Variants in MSRA observed in about 807,000 individuals in gnomAD.
MSRA encodes mitochondrial peptide methionine sulfoxide reductase.
In MSRA, 54 loss-of-function variants were observed where a neutral mutation model predicts 31.3. That is an observed-to-expected ratio of 1.73 (90% CI 1.39 to 2.17). The LOEUF (loss-of-function observed/expected upper bound fraction) is 2.17, where lower values mean the gene tolerates loss of function less well. Ranked by LOEUF, MSRA falls within the 30% of genes most tolerant of loss-of-function variation. The pLI, the probability that MSRA is intolerant of heterozygous loss-of-function variation, is 0.00. For missense variants in MSRA, 507 were observed against 300.9 expected (o/e 1.69, Z -5.07); for synonymous variants, 169 against 116.5 (o/e 1.45, Z -2.90).
At chr8:10,406,557 A>T (rs1436512312) in intron 5 of MSRA, among the ~76,000 whole-genome samples, 1 of 152,128 alleles carries the variant, frequency 6.6e-6, no homozygotes, top group East Asian at 1.9e-4. Context: ...GTTGGTGCAG[A>T]CAGGAATGGG....
At chr8:10,303,664 C>T (rs1227684580) in intron 4 of MSRA, among the ~76,000 whole-genome samples, 1 of 152,184 alleles carries the variant, frequency 6.6e-6, no homozygotes, top group Non-Finnish European at 1.5e-5. Flanking sequence ...CCTTCTGCCT[C>T]TCTTATGGAC....
chr8:10,266,154 T>A (rs1281994128), intron 3 of MSRA, among the ~76,000 whole-genome samples: 1 of 152,238 alleles, frequency 6.6e-6, no homozygotes, highest in Non-Finnish European at 1.5e-5. Flanking sequence ...TGTTTAACTT[T>A]TTAAGAAATT....
intron 5 of MSRA, chr8:10,353,602 G>T (rs1585562304): frequency 2.2e-6 from 1 of 456,168 alleles, no homozygotes; most frequent in Admixed American, 2.3e-5. Flanking sequence ...TTCTAGCTAT[G>T]CCTTTTCCTT....
intron 5 of MSRA, among the ~76,000 whole-genome samples, chr8:10,386,826 T>C (rs1225495372): frequency 7.0e-6 from 1 of 143,510 alleles, no homozygotes; most frequent in Non-Finnish European, 1.5e-5. Context: ...CCGGGAAAAA[T>C]GGGATTCGAA....
At chr8:10,231,630 C>G (rs1268376073) in intron 2 of MSRA, among the ~76,000 whole-genome samples, 1 of 152,192 alleles carries the variant, frequency 6.6e-6, no homozygotes, top group Non-Finnish European at 1.5e-5. Context: ...GGGTCGGGTG[C>G]AGTGGCTCAC....
intron 3 of MSRA, among the ~76,000 whole-genome samples, chr8:10,291,711 G>A (rs923152169): frequency 5.3e-5 from 8 of 151,976 alleles, no homozygotes; most frequent in Non-Finnish European, 1.0e-4. Flanking sequence ...CATTCTGTGT[G>A]CTCTTTGATT....
intron 3 of MSRA, among the ~76,000 whole-genome samples, chr8:10,277,879 ATTTT>A (rs1208436358): frequency 6.6e-6 from 1 of 152,098 alleles, no homozygotes; most frequent in African/African-American, 2.4e-5. Context: ...AATATATACA[ATTTT>A]TATTTATCAA....
At chr8:10,159,171 A>G (rs551895427) in intron 1 of MSRA, among the ~76,000 whole-genome samples, 8 of 152,192 alleles carry the variant, frequency 5.3e-5, no homozygotes, top group Non-Finnish European at 1.0e-4. Context: ...ATCTAGAAAT[A>G]CTGTCCGTAA....
chr8:10,224,297 A>G (rs918594160), intron 2 of MSRA, among the ~76,000 whole-genome samples: 2 of 152,310 alleles, frequency 1.3e-5, no homozygotes, highest in East Asian at 3.9e-4. Context: ...TCATCTTTGC[A>G]TGTTAGAATG....
intron 5 of MSRA, among the ~76,000 whole-genome samples, chr8:10,348,771 G>C (rs1164686813): frequency 6.6e-6 from 1 of 152,164 alleles, no homozygotes; most frequent in African/African-American, 2.4e-5. Context: ...ACTGGAAAGA[G>C]GGATAGGTTG....
intron 5 of MSRA, chr8:10,411,226 A>T (rs1986971): frequency 6.6e-6 from 1 of 152,114 alleles, no homozygotes; most frequent in East Asian, 1.9e-4. Context: ...CAGGCATGCT[A>T]TCACCTGCAG....
chr8:10,123,218 T>G (rs1801255682), intron 1 of MSRA, among the ~76,000 whole-genome samples: 1 of 152,240 alleles, frequency 6.6e-6, no homozygotes, highest in African/African-American at 2.4e-5. Context: ...TAATAGCCAT[T>G]CTGACTGGTG....
chr8:10,414,738 T>C (rs1360690597), intron 5 of MSRA, among the ~76,000 whole-genome samples: 2 of 152,226 alleles, frequency 1.3e-5, no homozygotes, highest in Non-Finnish European at 2.9e-5. Flanking sequence ...CTGCATTTCA[T>C]CCCCAAGGTG....
At chr8:10,280,313 C>G (rs1230204406) in intron 3 of MSRA, among the ~76,000 whole-genome samples, 1 of 151,964 alleles carries the variant, frequency 6.6e-6, no homozygotes, top group Non-Finnish European at 1.5e-5. Context: ...AGTTGTCATT[C>G]TCTTTTTAAC....
chr8:10,147,926 A>G (rs1011101836), intron 1 of MSRA, among the ~76,000 whole-genome samples: 6 of 152,214 alleles, frequency 3.9e-5, no homozygotes, highest in Admixed American at 2.0e-4. Context: ...AACTCCAAAG[A>G]GCGGGAAAAC....
At chr8:10,116,226 C>A (rs1800666469) in intron 1 of MSRA, among the ~76,000 whole-genome samples, 1 of 152,168 alleles carries the variant, frequency 6.6e-6, no homozygotes, top group Non-Finnish European at 1.5e-5. Flanking sequence ...GCATCCTAAC[C>A]CATATTCATA....
At chr8:10,318,751 T>G (rs1801869820) in intron 4 of MSRA, among the ~76,000 whole-genome samples, 1 of 152,214 alleles carries the variant, frequency 6.6e-6, no homozygotes, top group Non-Finnish European at 1.5e-5. Context: ...GTTTTCAGTC[T>G]GTTGAGTTTC....
chr8:10,126,044 G>C (rs1239705212), intron 1 of MSRA, among the ~76,000 whole-genome samples: 1 of 152,198 alleles, frequency 6.6e-6, no homozygotes, highest in Non-Finnish European at 1.5e-5. Flanking sequence ...TCCATCTTTA[G>C]AAGGAAAGCA....
At chr8:10,362,742 G>A (rs1245045659) in intron 5 of MSRA, among the ~76,000 whole-genome samples, 1 of 152,014 alleles carries the variant, frequency 6.6e-6, no homozygotes, top group African/African-American at 2.4e-5. Flanking sequence ...TCAAGCTCGA[G>A]CTGCCTGCTG....
Sources: allele counts gnomAD v4.1 joint callset (sites outside exome capture counted in the v4.1 genomes callset), GRCh38; gene constraint gnomAD v4.1.1; transcripts MANE v1.5; gene names NCBI Gene and HGNC (gene_info 2026-07-23, HGNC 2026-07-21).